EDN1: variants seen among roughly 807,000 people sequenced by gnomAD.
EDN1 encodes endothelin-1.
In EDN1, 11 loss-of-function variants were observed where a neutral mutation model predicts 21.7. The ratio of observed to expected loss-of-function variants is 0.51; its 90% CI spans 0.32 to 0.84. EDN1 has a LOEUF of 0.84. Among genes scored for constraint, EDN1 ranks in the 40% least tolerant of loss-of-function variants. The pLI, the probability that EDN1 is intolerant of heterozygous loss-of-function variation, is 0.03. For missense variants in EDN1, 244 were observed against 262.3 expected, an observed-to-expected ratio of 0.93 and a Z score of 0.48; for synonymous variants, 85 against 90.6, an observed-to-expected ratio of 0.94 and a Z score of 0.35.
At chr6:12,288,524 C>A (rs971509456), upstream of EDN1, among the ~76,000 whole-genome samples, 1 of 123,194 alleles carries the variant, frequency 8.1e-6, no homozygotes, top group Admixed American at 7.4e-5. Flanking sequence ...CCAGGGGCCC[C>A]GGCAGAGGCC....
chr6:12,254,768 G>A, the EDN1 span, among the ~76,000 whole-genome samples: 1 of 152,176 alleles, frequency 6.6e-6, no homozygotes, highest in East Asian at 1.9e-4. Context: ...ATATAATCAA[G>A]AGAAGTTGTA....
the EDN1 span, among the ~76,000 whole-genome samples, chr6:12,246,895 C>A: frequency 6.6e-6 from 1 of 152,126 alleles, no homozygotes; most frequent in South Asian, 2.1e-4. Flanking sequence ...CTTTTTGAGA[C>A]CCTTGTAAGA....
intron 1 of EDN1, 140 bp downstream of exon 1, chr6:12,290,833 T>A: frequency 1.3e-6 from 1 of 777,994 alleles, no homozygotes. Context: ...GAATTATTGC[T>A]GAAAGCTACT....
the EDN1 span, among the ~76,000 whole-genome samples, chr6:12,246,473 A>C: frequency 6.6e-6 from 1 of 152,182 alleles, no homozygotes; most frequent in Non-Finnish European, 1.5e-5. Flanking sequence ...AATATCAATC[A>C]GTTCAAAAGT....
the EDN1 span, among the ~76,000 whole-genome samples, chr6:12,277,176 C>T: frequency 2.0e-5 from 3 of 152,134 alleles, no homozygotes; most frequent in Non-Finnish European, 4.4e-5. Flanking sequence ...ACACTAGAGG[C>T]TGGAAACCAA....
chr6:12,249,762 A>G, the EDN1 span, among the ~76,000 whole-genome samples: 5 of 152,138 alleles, frequency 3.3e-5, no homozygotes, highest in Non-Finnish European at 1.5e-5. Flanking sequence ...TTTGCAAGGC[A>G]TGGTAAGCCT....
At position 12,296,653 on chromosome 6, in the gene EDN1, T is replaced by C. The variant is rs538409865; in HGVS notation, c.*586T>C. The C allele has an allele frequency of 6.5e-6, 1 of 154,256 alleles. No homozygotes were observed. The highest frequency in any genetic ancestry group is 2.4e-5 in the African/African-American group (1 of 41,474). The allele number at this position is 154,256 out of a possible 1,614,324, so 9.6% of individuals were successfully genotyped here. A position where few individuals can be genotyped will look rare whatever the true frequency, so the allele number is the denominator to read the frequency against. The stretch of plus-strand genomic sequence containing the variant: ...TGAATATGAGTCTACCTCACCTATA[T>C]TGCACTCTGGCAGAAGTATTTCCCA... On this transcript the variant is annotated 3_prime_UTR_variant, in exon 5 of 5. Coordinates refer to ENST00000379375, the MANE Select transcript of EDN1 (RefSeq NM_001955.5).
the EDN1 span, among the ~76,000 whole-genome samples, chr6:12,248,203 G>C: frequency 3.3e-5 from 5 of 152,174 alleles, no homozygotes; most frequent in Non-Finnish European, 5.9e-5. Flanking sequence ...CATAGTGGCA[G>C]AACAATTAAT....
At chr6:12,240,833 T>C in the EDN1 span, among the ~76,000 whole-genome samples, 1 of 152,174 alleles carries the variant, frequency 6.6e-6, no homozygotes, top group Non-Finnish European at 1.5e-5. Flanking sequence ...CCAGGAATTG[T>C]CTTTAATGGG....
the EDN1 span, among the ~76,000 whole-genome samples, chr6:12,235,037 G>C: frequency 2.0e-5 from 3 of 152,304 alleles, no homozygotes; most frequent in African/African-American, 7.2e-5. Flanking sequence ...TGGAGTATCT[G>C]CTTGGCAAGT....
At chr6:12,282,000 T>C in the EDN1 span, among the ~76,000 whole-genome samples, 5,356 of 152,268 alleles carry the variant, frequency 0.035, 330 homozygotes, top group African/African-American at 0.12. Context: ...CTAGATGTTT[T>C]CTGGTCATCT....
chr6:12,277,320 G>A, the EDN1 span, among the ~76,000 whole-genome samples: 2 of 152,142 alleles, frequency 1.3e-5, no homozygotes, highest in East Asian at 1.9e-4. Context: ...GCAACTAGGA[G>A]GACAGTGATA....
the EDN1 span, among the ~76,000 whole-genome samples, chr6:12,234,099 T>C: frequency 6.6e-6 from 1 of 152,228 alleles, no homozygotes; most frequent in Non-Finnish European, 1.5e-5. Context: ...AGTTGGCTCT[T>C]GTTAACAATG....
intron 4 of EDN1, among the ~76,000 whole-genome samples, chr6:12,294,963 C>T (rs1247393399): frequency 1.7e-5 from 2 of 117,270 alleles, no homozygotes; most frequent in Admixed American, 2.4e-4. Flanking sequence ...GTGTTTGGTG[C>T]AGAGCCAATG....
chr6:12,273,432 G>A, the EDN1 span, among the ~76,000 whole-genome samples: 2 of 152,044 alleles, frequency 1.3e-5, no homozygotes, highest in Non-Finnish European at 2.9e-5. Context: ...ATTTTAATAA[G>A]GCAATGAATG....
At chr6:12,270,714 G>A in the EDN1 span, among the ~76,000 whole-genome samples, 1 of 152,156 alleles carries the variant, frequency 6.6e-6, no homozygotes, top group Non-Finnish European at 1.5e-5. Flanking sequence ...TCCTGAGAAG[G>A]TTTCATGTGC....
chr6:12,294,490 C>T (rs753872141), intron 4 of EDN1, 86 bp downstream of exon 4: 11 of 1,504,514 alleles, frequency 7.3e-6, no homozygotes, highest in Non-Finnish European at 1.0e-5. Flanking sequence ...GTTCCTCCAG[C>T]CCTTCTTACC....
the EDN1 span, among the ~76,000 whole-genome samples, chr6:12,284,748 GAAGAAAGAAAGAAAGA>G: frequency 1.3e-5 from 1 of 78,492 alleles, no homozygotes. Flanking sequence ...AGGAAGGAAG[GAAGAAAGAAAGAAAGA>G]AAGAAAGAAA....
the EDN1 span, among the ~76,000 whole-genome samples, chr6:12,255,392 AT>A: frequency 6.6e-6 from 1 of 152,248 alleles, no homozygotes; most frequent in African/African-American, 2.4e-5. Context: ...GCCATTTGGA[AT>A]AACAATTCTT....
Sources: allele counts gnomAD v4.1 joint callset (sites outside exome capture counted in the v4.1 genomes callset), GRCh38; gene constraint gnomAD v4.1.1; transcripts MANE v1.5; gene names NCBI Gene and HGNC (gene_info 2026-07-23, HGNC 2026-07-21).